Variants in ITSN1 observed in about 807,000 individuals in gnomAD.
The protein encoded by ITSN1 is intersectin 1, also known as intersectin-1.
In ITSN1, 58 loss-of-function variants were observed where a neutral mutation model predicts 239.8. The ratio of observed to expected loss-of-function variants is 0.24; its 90% CI spans 0.20 to 0.30. The LOEUF (loss-of-function observed/expected upper bound fraction) is 0.30, where lower values mean the gene tolerates loss of function less well. ITSN1 is among the 10% of genes least tolerant of loss of function. ITSN1 has a pLI of 1.00. For missense variants in ITSN1, 1,558 were observed against 2,103.3 expected (o/e 0.74, Z 5.07); for synonymous variants, 780 against 770.8 (o/e 1.01, Z -0.20).
intron 29 of ITSN1, among the ~76,000 whole-genome samples, chr21:33,846,611 C>T (rs866717808): frequency 3.3e-5 from 5 of 152,194 alleles, no homozygotes; most frequent in Non-Finnish European, 5.9e-5. Context: ...ATCCCCATGG[C>T]GCCTCACTCT....
chr21:33,834,307 G>A lies in ITSN1; in HGVS notation c.3352G>A (p.Ala1118Thr), dbSNP rs758212573. ...PGGWWEGELQ[A>T]RGKKRQIGWF... ...TTTGATGTAATTATTTTCTTACTAGGCACGTGGGAAAAAGCGCCAGATAGG... is the reference window on the plus strand; with the variant it reads ...TTTGATGTAATTATTTTCTTACTAGACACGTGGGAAAAAGCGCCAGATAGG... Residue 1118 changes from alanine to threonine, a missense_variant and splice_region_variant, in exon 28 of 40, where the codon GCA becomes ACA. Around this residue, in one of 2 missense-constraint regions of ITSN1, gnomAD observed 576 missense variants for 893.3 expected, o/e 0.64. Transcript: ENST00000381318. 1.1e-5 allele frequency: 17 copies of A among 1,611,008 alleles called. No homozygotes were observed. Among genetic ancestry groups the A allele is most frequent in the East Asian group, 2.2e-5 (1 of 44,868 alleles).
At position 33,891,350 on chromosome 21, in the gene ITSN1, G is replaced by A. The variant is rs1398647258; in HGVS notation, c.*3050G>A. The A allele has an allele frequency of 1.3e-5, 2 of 152,228 alleles. No individual in the cohort carries two copies. The highest frequency in any genetic ancestry group is 2.9e-5 in the Non-Finnish European group (2 of 68,048). 9.4% of individuals were successfully genotyped at this position (152,228 alleles called of 1,614,324 possible). On this transcript the variant is annotated 3_prime_UTR_variant, in exon 40 of 40. Coordinates refer to ENST00000381318, the MANE Select transcript of ITSN1 (RefSeq NM_003024.3). ...GCTCCCAAAGAACATTCATGTAAGA[G>A]GAGGCATTTTTTTCTTCTTTGCTTT... is the stretch of plus-strand genomic sequence containing the variant.
Position 33,849,049 on chromosome 21 carries a change from C to T in ITSN1, c.3662-7687C>T, listed in dbSNP as rs371389721. Reference sequence around the variant, plus strand: ...TGAAGTCAGGAGTTTGAGACCAGCCCGGCCAACATGGTGAAACCCCGTCTC... The same window carrying T: ...TGAAGTCAGGAGTTTGAGACCAGCCTGGCCAACATGGTGAAACCCCGTCTC... On this transcript the variant is annotated intron_variant, in intron 29 of 39. Transcript: ENST00000381318. Among the ~76,000 whole-genome samples, 52 of 151,130 alleles carry T rather than the reference C, an allele frequency of 3.4e-4. No homozygotes were observed. The East Asian group carries it at 5.3e-3, about 16-fold the overall frequency.
rs554664262 is a variant in ITSN1, at chr21:33,851,523, C to T, written c.3662-5213C>T. On this transcript the variant is annotated intron_variant, in intron 29 of 39. Coordinates refer to ENST00000381318, the MANE Select transcript of ITSN1 (RefSeq NM_003024.3). ...AAGCGATTCTCCTGCCTCAGCCTCCCGAGTAGCTGGGATTACAGGTGCCTG... is the reference window on the plus strand; with the variant it reads ...AAGCGATTCTCCTGCCTCAGCCTCCTGAGTAGCTGGGATTACAGGTGCCTG... Among the ~76,000 whole-genome samples the T allele has an allele frequency of 7.8e-4, 118 of 151,788 alleles. 1 individual carries two copies. Among genetic ancestry groups the T allele is most frequent in the Admixed American group, 9.8e-4 (15 of 15,248 alleles).
chr21:33,833,722 T>G (rs1402869652), intron 27 of ITSN1, among the ~76,000 whole-genome samples: 2 of 151,986 alleles, frequency 1.3e-5, no homozygotes, highest in Non-Finnish European at 2.9e-5. Flanking sequence ...AAAAACAAAA[T>G]TAGCCGGGCA....
chr21:33,650,147 A>G (rs530534738), intron 1 of ITSN1, among the ~76,000 whole-genome samples: 10 of 152,240 alleles, frequency 6.6e-5, no homozygotes, highest in African/African-American at 2.4e-4. Flanking sequence ...CAGGAGGACA[A>G]TGCTCTTGCT....
intron 14 of ITSN1, among the ~76,000 whole-genome samples, chr21:33,778,870 G>T (rs527622235): frequency 7.1e-6 from 1 of 141,264 alleles, no homozygotes; most frequent in Non-Finnish European, 1.5e-5. Flanking sequence ...GAGCCACCGC[G>T]CCCGGCCTAT....
At chr21:33,868,733 T>A (rs1010047651) in intron 33 of ITSN1, among the ~76,000 whole-genome samples, 1 of 152,200 alleles carries the variant, frequency 6.6e-6, no homozygotes, top group African/African-American at 2.4e-5. Context: ...GGGAGGGGGC[T>A]TCGGCCTTGG....
rs555395170 is a variant in ITSN1, at chr21:33,724,810, A to C, written c.185+2159A>C. ...AGAAAAATAAAATACACTCTAATGA[A>C]TTTCATTTTTTTTCTTCTGTTTTTT... On this transcript the variant is annotated intron_variant, in intron 4 of 39. Transcript: ENST00000381318. 1.2e-4 allele frequency among the ~76,000 whole-genome samples: 18 copies of C among 152,178 alleles called. No homozygotes were observed. The South Asian group carries it at 3.7e-3, about 32-fold the overall frequency.
At chr21:33,646,094 A>G (rs935492653) in intron 1 of ITSN1, among the ~76,000 whole-genome samples, 1 of 152,220 alleles carries the variant, frequency 6.6e-6, no homozygotes, top group African/African-American at 2.4e-5. Context: ...AAATTAATCT[A>G]TCAGTTAGTG....
intron 1 of ITSN1, among the ~76,000 whole-genome samples, chr21:33,707,312 T>TG (rs572786542): frequency 1.1e-3 from 171 of 152,226 alleles, no homozygotes; most frequent in South Asian, 9.3e-3. Context: ...TTGTGTGTGT[T>TG]GGGGGGTCTC....
At chr21:33,784,173 TA>T (rs903693332) in intron 16 of ITSN1, among the ~76,000 whole-genome samples, 65 of 152,042 alleles carry the variant, frequency 4.3e-4, no homozygotes, top group African/African-American at 1.4e-3. Flanking sequence ...ATGATGAGTT[TA>T]AAAAAAATCA....
At chr21:33,784,336 C>CACACAT (rs2070459340) in intron 16 of ITSN1, among the ~76,000 whole-genome samples, 3 of 150,964 alleles carry the variant, frequency 2.0e-5, no homozygotes, top group African/African-American at 7.3e-5. Flanking sequence ...CACACACACA[C>CACACAT]ACACACACAC....
chr21:33,680,700 G>GA (rs2090899658), intron 1 of ITSN1, among the ~76,000 whole-genome samples: 1 of 133,624 alleles, frequency 7.5e-6, no homozygotes, highest in Non-Finnish European at 1.6e-5. Flanking sequence ...AATGTCTGAA[G>GA]TCCTGCCCAG....
At position 33,844,045 on chromosome 21, in the gene ITSN1, T is replaced by G. The variant is rs567166021; in HGVS notation, c.3661+7413T>G. ...CTTTTAGAAAGTATGCTTTTATAGA[T>G]TAGGAATTTCAGAGAGAAAAGATTG... On this transcript the variant is annotated intron_variant, in intron 29 of 39. Transcript: ENST00000381318. 2.6e-5 allele frequency among the ~76,000 whole-genome samples: 4 copies of G among 152,264 alleles called. No individual in the cohort carries two copies. In the East Asian group the frequency reaches 7.7e-4, roughly 29 times the overall value.
chr21:33,710,268 C>G (rs1458237449), intron 1 of ITSN1, among the ~76,000 whole-genome samples: 1 of 151,638 alleles, frequency 6.6e-6, no homozygotes, highest in African/African-American at 2.4e-5. Context: ...TTAGGAGAGA[C>G]GGGGTTTCAC....
At chr21:33,862,090 T>C (rs1386425449) in intron 31 of ITSN1, among the ~76,000 whole-genome samples, 1 of 99,668 alleles carries the variant, frequency 1.0e-5, no homozygotes, top group African/African-American at 3.9e-5. Context: ...TTGAACCCGG[T>C]GGGGGCAGAG....
At chr21:33,885,019 T>C (rs2148565168) in intron 36 of ITSN1, 22 bp from the exon 37 acceptor site, 1 of 1,605,630 alleles carries the variant, frequency 6.2e-7, no homozygotes, top group South Asian at 1.1e-5. Flanking sequence ...GTTTGGCAAC[T>C]TTCTGTCTTT....
Position 33,892,923 on chromosome 21 carries a change from G to A in ITSN1, c.*4623G>A, listed in dbSNP as rs1282309218. On this transcript the variant is annotated 3_prime_UTR_variant, in exon 40 of 40. Coordinates refer to ENST00000381318, the MANE Select transcript of ITSN1 (RefSeq NM_003024.3). ...AAAGAAACCACAGCTGCCATTCACG[G>A]GGCAGCTCCCTCTAGCTCTTCTGCC... The A allele has an allele frequency of 1.3e-5, 2 of 152,164 alleles. No homozygotes were observed. The highest frequency in any genetic ancestry group is 2.9e-5 in the Non-Finnish European group (2 of 68,044). 9.4% of individuals were successfully genotyped at this position (152,164 alleles called of 1,614,324 possible).
Sources: allele counts gnomAD v4.1 joint callset (sites outside exome capture counted in the v4.1 genomes callset), GRCh38; gene constraint gnomAD v4.1.1; regional missense constraint gnomAD v4.1.1; transcripts MANE v1.5; gene names NCBI Gene and HGNC (gene_info 2026-07-23, HGNC 2026-07-21).